SPATA31D3: variants seen among roughly 807,000 people sequenced by gnomAD.
SPATA31D3 encodes SPATA31 subfamily D member 3.
For missense variants in SPATA31D3, 91 were observed against 297.9 expected, an observed-to-expected ratio of 0.31 and a Z score of 5.11; for synonymous variants, 27 against 107.8, an observed-to-expected ratio of 0.25 and a Z score of 4.65.
rs1234973446 is a variant in SPATA31D3 at position 81,949,827 on chromosome 9, G to A, written c.*1820G>A. 8 of 1,112,724 alleles carry A rather than the reference G, an allele frequency of 7.2e-6. No individual in the cohort carries two copies. Among genetic ancestry groups the A allele is most frequent in the South Asian group, 2.7e-5 (2 of 74,586 alleles). The allele number at this position is 1,112,724 out of a possible 1,614,324, so 68.9% of individuals were successfully genotyped here. On this transcript the variant is annotated 3_prime_UTR_variant, in exon 4 of 4. Transcript: ENST00000445385. ...AGCCCCAGGAAGTTGGACATTTAAG[G>A]GGAAGATATTGTGTCAAAGGCATCC...
chr9:81,949,992 T>C lies in SPATA31D3; in HGVS notation c.*1985T>C, dbSNP rs1824008015. On this transcript the variant is annotated 3_prime_UTR_variant, in exon 4 of 4. Transcript: ENST00000445385. The stretch of plus-strand genomic sequence containing the variant: ...GTGCCTTTACTAACTGGACAGAAAA[T>C]ACTTCCAAAGCATTTGCAGGGAGGA... 1 of 380,554 alleles carries C rather than the reference T, an allele frequency of 2.6e-6. No homozygotes were observed. Among genetic ancestry groups the C allele is most frequent in the Admixed American group, 4.1e-5 (1 of 24,152 alleles). 23.6% of individuals were successfully genotyped at this position (380,554 alleles called of 1,614,324 possible).
rs1284633596 is a variant in SPATA31D3, at chr9:81,948,167, G to C, written c.*160G>C. 1 of 1,384,676 alleles carries C rather than the reference G, an allele frequency of 7.2e-7. No individual in the cohort carries two copies. The highest frequency in any genetic ancestry group is 2.3e-5 in the East Asian group (1 of 43,282). The allele number at this position is 1,384,676 out of a possible 1,614,324, so 85.8% of individuals were successfully genotyped here. A position where few individuals can be genotyped will look rare whatever the true frequency, so the allele number is the denominator to read the frequency against. ...GATGGGGTCTCTAAGTCTTGTAGAC[G>C]AAGCACTTTTCAAGGAGAAAAGTTG... On this transcript the variant is annotated 3_prime_UTR_variant, in exon 4 of 4. Coordinates refer to ENST00000445385, the MANE Select transcript of SPATA31D3 (RefSeq NM_207416.3).
Position 81,949,927 on chromosome 9 carries a change from G to T in SPATA31D3, c.*1920G>T. On this transcript the variant is annotated 3_prime_UTR_variant, in exon 4 of 4. Coordinates refer to ENST00000445385, the MANE Select transcript of SPATA31D3 (RefSeq NM_207416.3). ...AGTGTGAAGTCAACCTGGTGCCTCCGGTCATCCTGACCAGTGCTAAAAACA... is the reference window on the plus strand; with the variant it reads ...AGTGTGAAGTCAACCTGGTGCCTCCTGTCATCCTGACCAGTGCTAAAAACA... 3.4e-6 allele frequency: 2 copies of T among 589,890 alleles called. No homozygotes were observed. Among genetic ancestry groups the T allele is most frequent in the Non-Finnish European group, 6.1e-6 (2 of 325,482 alleles). The allele number at this position is 589,890 out of a possible 1,614,324, so 36.5% of individuals were successfully genotyped here.
rs1306940101 is a variant in SPATA31D3 at position 81,949,647 on chromosome 9, A to C, written c.*1640A>C. ...TTGGGAAATCTCAGAATGTGCCAGA[A>C]CTGCAGGTCAGAGCAGAGCCTGTCC... On this transcript the variant is annotated 3_prime_UTR_variant, in exon 4 of 4. Transcript: ENST00000445385. 10 of 939,016 alleles carry C rather than the reference A, an allele frequency of 1.1e-5. No homozygotes were observed. The East Asian group carries it at 2.5e-4, about 23-fold the overall frequency. The allele number at this position is 939,016 out of a possible 1,614,324, so 58.2% of individuals were successfully genotyped here.
chr9:81,949,024 C>T lies in SPATA31D3; in HGVS notation c.*1017C>T. On this transcript the variant is annotated 3_prime_UTR_variant, in exon 4 of 4. Coordinates refer to ENST00000445385, the MANE Select transcript of SPATA31D3 (RefSeq NM_207416.3). ...CTTGAGTTCCAAGGACTTACTGACT[C>T]ATGCCCAGGGCATCTCGAATCAGGA... is the stretch of plus-strand genomic sequence containing the variant. 1 of 439,602 alleles carries T rather than the reference C, an allele frequency of 2.3e-6. No homozygotes were observed. Among genetic ancestry groups the T allele is most frequent in the East Asian group, 3.8e-5 (1 of 26,214 alleles). The allele number at this position is 439,602 out of a possible 1,614,324, so 27.2% of individuals were successfully genotyped here.
Position 81,949,463 on chromosome 9 carries a change from A to G in SPATA31D3, c.*1456A>G, listed in dbSNP as rs1823978928. The G allele has an allele frequency of 6.5e-6, 3 of 462,746 alleles. No homozygotes were observed. Among genetic ancestry groups the G allele is most frequent in the Middle Eastern group, 3.2e-4 (1 of 3,142 alleles). The allele number at this position is 462,746 out of a possible 1,614,324, so 28.7% of individuals were successfully genotyped here. A position where few individuals can be genotyped will look rare whatever the true frequency, so the allele number is the denominator to read the frequency against. On this transcript the variant is annotated 3_prime_UTR_variant, in exon 4 of 4. Coordinates refer to ENST00000445385, the MANE Select transcript of SPATA31D3 (RefSeq NM_207416.3). The stretch of plus-strand genomic sequence containing the variant: ...GGTAGCTCCTTGTCATCATCTGTGC[A>G]GAATAGAGGTCGAGTTAAAAGTAGA...
Position 81,949,683 on chromosome 9 carries a change from C to G in SPATA31D3, c.*1676C>G. 1.5e-6 allele frequency: 2 copies of G among 1,295,804 alleles called. No individual in the cohort carries two copies. Among genetic ancestry groups the G allele is most frequent in the Non-Finnish European group, 2.2e-6 (2 of 896,824 alleles). The allele number at this position is 1,295,804 out of a possible 1,614,324, so 80.3% of individuals were successfully genotyped here. A position where few individuals can be genotyped will look rare whatever the true frequency, so the allele number is the denominator to read the frequency against. On this transcript the variant is annotated 3_prime_UTR_variant, in exon 4 of 4. Coordinates refer to ENST00000445385, the MANE Select transcript of SPATA31D3 (RefSeq NM_207416.3). ...GAGCAGAGCCTGTCCAGGGCTATCCCTGCAACTACATGGCTCCCTCCTGCA... is the reference window on the plus strand; with the variant it reads ...GAGCAGAGCCTGTCCAGGGCTATCCGTGCAACTACATGGCTCCCTCCTGCA...
chr9:81,949,501 G>A lies in SPATA31D3; in HGVS notation c.*1494G>A. ...AGTTAAAAGTAGAGCTGTCTTTACT[G>A]GGACTATTGAAGCTCAGAAAATTAG... On this transcript the variant is annotated 3_prime_UTR_variant, in exon 4 of 4. Coordinates refer to ENST00000445385, the MANE Select transcript of SPATA31D3 (RefSeq NM_207416.3). The A allele has an allele frequency of 1.9e-6, 1 of 533,264 alleles. No individual in the cohort carries two copies. Among genetic ancestry groups the A allele is most frequent in the Non-Finnish European group, 3.5e-6 (1 of 285,278 alleles). 33.0% of individuals were successfully genotyped at this position (533,264 alleles called of 1,614,324 possible). A position where few individuals can be genotyped will look rare whatever the true frequency, so the allele number is the denominator to read the frequency against.
chr9:81,949,717 T>C lies in SPATA31D3; in HGVS notation c.*1710T>C, dbSNP rs1402687752. On this transcript the variant is annotated 3_prime_UTR_variant, in exon 4 of 4. Coordinates refer to ENST00000445385, the MANE Select transcript of SPATA31D3 (RefSeq NM_207416.3). Reference sequence around the variant, plus strand: ...CATGGCTCCCTCCTGCAAAGTGACATGTACCAAATCTTGCAGCCAACAAGC... The same window carrying C: ...CATGGCTCCCTCCTGCAAAGTGACACGTACCAAATCTTGCAGCCAACAAGC... 6 of 1,407,940 alleles carry C rather than the reference T, an allele frequency of 4.3e-6. No individual in the cohort carries two copies. Among genetic ancestry groups the C allele is most frequent in the African/African-American group, 2.8e-5 (2 of 70,474 alleles). The allele number at this position is 1,407,940 out of a possible 1,614,324, so 87.2% of individuals were successfully genotyped here.
In SPATA31D3 at chr9:81,948,208, G is replaced by A; in HGVS notation, c.*201G>A. On this transcript the variant is annotated 3_prime_UTR_variant, in exon 4 of 4. Transcript: ENST00000445385. ...AGAAAAGTTGGGAACAACAAGCTCA[G>A]TCCCTGTCCTTAATCATCCTCAGCC... is the stretch of plus-strand genomic sequence containing the variant. 1.1e-6 allele frequency: 1 copy of A among 927,388 alleles called. No individual in the cohort carries two copies. The allele number at this position is 927,388 out of a possible 1,614,324, so 57.4% of individuals were successfully genotyped here.
In SPATA31D3 at chr9:81,949,725, A is replaced by G. The variant is rs1823994023; in HGVS notation, c.*1718A>G. The G allele has an allele frequency of 7.1e-7, 1 of 1,408,656 alleles. No homozygotes were observed. The highest frequency in any genetic ancestry group is 1.4e-5 in the African/African-American group (1 of 70,594). The allele number at this position is 1,408,656 out of a possible 1,614,324, so 87.3% of individuals were successfully genotyped here. On this transcript the variant is annotated 3_prime_UTR_variant, in exon 4 of 4. Coordinates refer to ENST00000445385, the MANE Select transcript of SPATA31D3 (RefSeq NM_207416.3). ...CCTCCTGCAAAGTGACATGTACCAA[A>G]TCTTGCAGCCAACAAGCTATCTTTG... is the stretch of plus-strand genomic sequence containing the variant.
Position 81,949,741 on chromosome 9 carries a change from G to T in SPATA31D3, c.*1734G>T. On this transcript the variant is annotated 3_prime_UTR_variant, in exon 4 of 4. Transcript: ENST00000445385. ...ATGTACCAAATCTTGCAGCCAACAAGCTATCTTTGTCGGCCAGAATTATCC... is the reference window on the plus strand; with the variant it reads ...ATGTACCAAATCTTGCAGCCAACAATCTATCTTTGTCGGCCAGAATTATCC... 1 of 1,407,938 alleles carries T rather than the reference G, an allele frequency of 7.1e-7. No individual in the cohort carries two copies. The highest frequency in any genetic ancestry group is 1.0e-6 in the Non-Finnish European group (1 of 997,310). 87.2% of individuals were successfully genotyped at this position (1,407,938 alleles called of 1,614,324 possible). A position where few individuals can be genotyped will look rare whatever the true frequency, so the allele number is the denominator to read the frequency against.
chr9:81,949,274 T>A lies in SPATA31D3; in HGVS notation c.*1267T>A, dbSNP rs1823966662. The A allele has an allele frequency of 2.6e-6, 1 of 380,438 alleles. No homozygotes were observed. The highest frequency in any genetic ancestry group is 3.8e-5 in the South Asian group (1 of 26,434). The allele number at this position is 380,438 out of a possible 1,614,324, so 23.6% of individuals were successfully genotyped here. A position where few individuals can be genotyped will look rare whatever the true frequency, so the allele number is the denominator to read the frequency against. ...CAACTCAGAAGAAAGAGCCATGCTA[T>A]TCATAACAAGACATCAAGGGAGTCG... On this transcript the variant is annotated 3_prime_UTR_variant, in exon 4 of 4. Coordinates refer to ENST00000445385, the MANE Select transcript of SPATA31D3 (RefSeq NM_207416.3).
Position 81,949,852 on chromosome 9 carries a change from C to T in SPATA31D3, c.*1845C>T. 1.1e-6 allele frequency: 1 copy of T among 923,938 alleles called. No individual in the cohort carries two copies. The highest frequency in any genetic ancestry group is 1.7e-6 in the Non-Finnish European group (1 of 583,292). The allele number at this position is 923,938 out of a possible 1,614,324, so 57.2% of individuals were successfully genotyped here. A position where few individuals can be genotyped will look rare whatever the true frequency, so the allele number is the denominator to read the frequency against. Reference sequence around the variant, plus strand: ...GGGAAGATATTGTGTCAAAGGCATCCCCAATCCATGCCCCACAGGAAGCCT... The same window carrying T: ...GGGAAGATATTGTGTCAAAGGCATCTCCAATCCATGCCCCACAGGAAGCCT... On this transcript the variant is annotated 3_prime_UTR_variant, in exon 4 of 4. Coordinates refer to ENST00000445385, the MANE Select transcript of SPATA31D3 (RefSeq NM_207416.3).
At chr9:81,945,491 C>T (rs1823883917) in intron 3 of SPATA31D3, 56 bp from the exon 4 acceptor site, 1 of 56,536 alleles carries the variant, frequency 1.8e-5, no homozygotes, top group Non-Finnish European at 3.1e-5. Context: ...ATTCAGGGGG[C>T]CCCACCCCTG....
rs1587488212 is a variant in SPATA31D3 at position 81,949,583 on chromosome 9, T to A, written c.*1576T>A. 3 of 638,716 alleles carry A rather than the reference T, an allele frequency of 4.7e-6. No individual in the cohort carries two copies. The East Asian group carries it at 8.7e-5, about 18-fold the overall frequency. 39.6% of individuals were successfully genotyped at this position (638,716 alleles called of 1,614,324 possible). ...CTGGGGCATAGACATTGAATAGATATCACCTGTCCCCAGGAGCCCCTTTCC... is the reference window on the plus strand; with the variant it reads ...CTGGGGCATAGACATTGAATAGATAACACCTGTCCCCAGGAGCCCCTTTCC... On this transcript the variant is annotated 3_prime_UTR_variant, in exon 4 of 4. Coordinates refer to ENST00000445385, the MANE Select transcript of SPATA31D3 (RefSeq NM_207416.3).
Position 81,949,390 on chromosome 9 carries a change from A to G in SPATA31D3, c.*1383A>G. ...GATGAAGACCTTTTTGCAGCAGTCT[A>G]ATAAACCCATCATAACATATGGAAA... On this transcript the variant is annotated 3_prime_UTR_variant, in exon 4 of 4. Transcript: ENST00000445385. 1 of 362,430 alleles carries G rather than the reference A, an allele frequency of 2.8e-6. No individual in the cohort carries two copies. The highest frequency in any genetic ancestry group is 3.5e-5 in the South Asian group (1 of 28,596). 22.5% of individuals were successfully genotyped at this position (362,430 alleles called of 1,614,324 possible). A position where few individuals can be genotyped will look rare whatever the true frequency, so the allele number is the denominator to read the frequency against.
In SPATA31D3 at chr9:81,949,797, C is replaced by A; in HGVS notation, c.*1790C>A. On this transcript the variant is annotated 3_prime_UTR_variant, in exon 4 of 4. Coordinates refer to ENST00000445385, the MANE Select transcript of SPATA31D3 (RefSeq NM_207416.3). ...TGATTAGACAGATCATAGACAAGGA[C>A]AGATAGCCCCAGGAAGTTGGACATT... The A allele has an allele frequency of 7.9e-7, 1 of 1,264,436 alleles. No individual in the cohort carries two copies. Among genetic ancestry groups the A allele is most frequent in the Non-Finnish European group, 1.2e-6 (1 of 869,266 alleles). 78.3% of individuals were successfully genotyped at this position (1,264,436 alleles called of 1,614,324 possible). A position where few individuals can be genotyped will look rare whatever the true frequency, so the allele number is the denominator to read the frequency against.
Position 81,950,026 on chromosome 9 carries a change from C to A in SPATA31D3, c.*2019C>A. 3.1e-6 allele frequency: 1 copy of A among 324,060 alleles called. No individual in the cohort carries two copies. Among genetic ancestry groups the A allele is most frequent in the South Asian group, 7.4e-5 (1 of 13,550 alleles). The allele number at this position is 324,060 out of a possible 1,614,324, so 20.1% of individuals were successfully genotyped here. A position where few individuals can be genotyped will look rare whatever the true frequency, so the allele number is the denominator to read the frequency against. ...AGCATTTGCAGGGAGGAAAATTTCCCCCCAAAAAATAATTAACTCCTTGTT... is the reference window on the plus strand; with the variant it reads ...AGCATTTGCAGGGAGGAAAATTTCCACCCAAAAAATAATTAACTCCTTGTT... On this transcript the variant is annotated 3_prime_UTR_variant, in exon 4 of 4. Transcript: ENST00000445385.
Sources: gnomAD v4.1 joint callset for allele counts on GRCh38, gnomAD v4.1.1 for gene constraint, MANE v1.5 for transcripts, NCBI Gene and HGNC (gene_info 2026-07-23, HGNC 2026-07-21) for gene names.